Variants in AGBL4 observed in about 807,000 individuals in gnomAD.
AGBL4 encodes the protein AGBL carboxypeptidase 4.
Under a neutral mutation model 66.4 loss-of-function variants are expected in AGBL4, and 58 were observed. The observed-to-expected ratio is 0.87, with a 90% CI of 0.71 to 1.09. AGBL4 has a LOEUF of 1.09. Among genes scored for constraint, AGBL4 ranks in the 50% least tolerant of loss-of-function variants. The pLI is 0.00. For missense variants in AGBL4, 579 were observed against 631.0 expected (o/e 0.92, Z 0.88); for synonymous variants, 234 against 222.9 (o/e 1.05, Z -0.44).
intron 1 of AGBL4, among the ~76,000 whole-genome samples, chr1:49,955,717 T>C (rs1175699820): frequency 1.3e-5 from 2 of 151,884 alleles, no homozygotes; most frequent in African/African-American, 2.4e-5. Context: ...GAAAGTGGTA[T>C]TGAAGAATGA....
intron 3 of AGBL4, among the ~76,000 whole-genome samples, chr1:49,417,566 G>C (rs1360346301): frequency 6.6e-6 from 1 of 152,054 alleles, no homozygotes; most frequent in Non-Finnish European, 1.5e-5. Context: ...AGTTTTAAGA[G>C]ACTAGAGAGA....
At chr1:49,168,320 A>C (rs952688000) in intron 4 of AGBL4, among the ~76,000 whole-genome samples, 5 of 152,222 alleles carry the variant, frequency 3.3e-5, no homozygotes, top group Non-Finnish European at 7.3e-5. Flanking sequence ...TTACAAGATA[A>C]TGCCAAATTG....
intron 3 of AGBL4, among the ~76,000 whole-genome samples, chr1:49,597,166 G>C (rs1194576816): frequency 1.3e-5 from 2 of 152,140 alleles, no homozygotes; most frequent in Non-Finnish European, 2.9e-5. Flanking sequence ...TAAGAATAAT[G>C]AATAGTATTA....
At chr1:48,938,406 G>A (rs1487265571) in intron 5 of AGBL4, among the ~76,000 whole-genome samples, 1 of 152,184 alleles carries the variant, frequency 6.6e-6, no homozygotes, top group Non-Finnish European at 1.5e-5. Flanking sequence ...ATTATACATT[G>A]TAATAAGTAC....
intron 6 of AGBL4, among the ~76,000 whole-genome samples, chr1:48,681,769 C>T (rs1270011535): frequency 6.6e-6 from 1 of 152,148 alleles, no homozygotes; most frequent in East Asian, 1.9e-4. Context: ...CGTTACCTCA[C>T]TCTTGGCTCA....
At chr1:48,850,764 G>A (rs183183156) in intron 6 of AGBL4, among the ~76,000 whole-genome samples, 6 of 152,158 alleles carry the variant, frequency 3.9e-5, no homozygotes, top group African/African-American at 9.6e-5. Context: ...CGATCTGCCC[G>A]CCTCAGCCTC....
intron 6 of AGBL4, among the ~76,000 whole-genome samples, chr1:48,835,888 T>A (rs148289493): frequency 6.6e-6 from 1 of 152,138 alleles, no homozygotes; most frequent in East Asian, 1.9e-4. Context: ...GAAGCCAGTA[T>A]GGAATGAATA....
intron 7 of AGBL4, among the ~76,000 whole-genome samples, chr1:48,662,562 C>T (rs1646125267): frequency 6.6e-6 from 1 of 152,178 alleles, no homozygotes; most frequent in African/African-American, 2.4e-5. Flanking sequence ...CTATAGCTGA[C>T]TAAATGTAGT....
At chr1:49,284,328 A>AT (rs1325253487) in intron 3 of AGBL4, among the ~76,000 whole-genome samples, 1 of 152,174 alleles carries the variant, frequency 6.6e-6, no homozygotes, top group Non-Finnish European at 1.5e-5. Context: ...ATGCTGAGAG[A>AT]TTTTGTCACC....
chr1:49,537,084 C>T (rs1216513041), intron 3 of AGBL4, among the ~76,000 whole-genome samples: 4 of 151,606 alleles, frequency 2.6e-5, no homozygotes, highest in Non-Finnish European at 5.9e-5. Context: ...GGAAAATTGG[C>T]TACCTATATG....
intron 4 of AGBL4, among the ~76,000 whole-genome samples, chr1:49,130,084 A>G (rs1309290694): frequency 6.6e-6 from 1 of 151,986 alleles, no homozygotes; most frequent in Non-Finnish European, 1.5e-5. Context: ...GCATTTTTTC[A>G]TGTGTCTGTT....
At chr1:49,555,298 A>G (rs536029841) in intron 3 of AGBL4, among the ~76,000 whole-genome samples, 80 of 150,312 alleles carry the variant, frequency 5.3e-4, no homozygotes, top group Non-Finnish European at 9.5e-4. Context: ...CCACTAGATT[A>G]GCTAGACACA....
intron 4 of AGBL4, among the ~76,000 whole-genome samples, chr1:49,176,166 T>C (rs1646828208): frequency 6.6e-6 from 1 of 152,102 alleles, no homozygotes; most frequent in Non-Finnish European, 1.5e-5. Context: ...ATGACAATGA[T>C]GATGGAATTA....
At chr1:49,721,628 G>T (rs1258984400) in intron 2 of AGBL4, among the ~76,000 whole-genome samples, 1 of 152,062 alleles carries the variant, frequency 6.6e-6, no homozygotes, top group Admixed American at 6.6e-5. Flanking sequence ...TTCTCTAGTG[G>T]CAGTATAAAT....
intron 6 of AGBL4, among the ~76,000 whole-genome samples, chr1:48,698,072 T>C (rs1646741696): frequency 6.6e-6 from 1 of 152,182 alleles, no homozygotes; most frequent in Admixed American, 6.5e-5. Context: ...GCCCAGGCTC[T>C]GGACTGTGTT....
rs143254500 is a variant in AGBL4, at chr1:49,203,567, T to G, written c.377+42203A>C. On this transcript the variant is annotated intron_variant, in intron 4 of 13. Coordinates refer to ENST00000371839, the MANE Select transcript of AGBL4 (RefSeq NM_032785.4). ...TATGAGGAATCTAAATTAATCAAAC[T>G]CATAGAAATAGATAATATAATGATG... is the stretch of plus-strand genomic sequence containing the variant. Among the ~76,000 whole-genome samples, 14 of 152,272 alleles carry G rather than the reference T, an allele frequency of 9.2e-5. 1 individual carries two copies. The East Asian group carries it at 2.7e-3, about 29-fold the overall frequency.
At chr1:49,659,189 T>G (rs536190358) in intron 3 of AGBL4, among the ~76,000 whole-genome samples, 1 of 151,858 alleles carries the variant, frequency 6.6e-6, no homozygotes, top group African/African-American at 2.4e-5. Flanking sequence ...GGAAATACCA[T>G]TATCAGCCAC....
At chr1:48,725,954 T>C (rs1167211591) in intron 6 of AGBL4, among the ~76,000 whole-genome samples, 1 of 152,198 alleles carries the variant, frequency 6.6e-6, no homozygotes, top group Admixed American at 6.5e-5. Context: ...CAAGGGTCTT[T>C]TTTATTTATA....
At chr1:49,950,404 G>C (rs1656053596) in intron 1 of AGBL4, among the ~76,000 whole-genome samples, 3 of 151,072 alleles carry the variant, frequency 2.0e-5, no homozygotes, top group African/African-American at 7.3e-5. Context: ...TGGATTCAGG[G>C]GGAAAGGGAG....
Sources: gnomAD v4.1 joint callset for allele counts (sites outside exome capture counted in the v4.1 genomes callset) on GRCh38, gnomAD v4.1.1 for gene constraint, MANE v1.5 for transcripts, NCBI Gene and HGNC (gene_info 2026-07-23, HGNC 2026-07-21) for gene names.